Variants in CPA4 observed in about 807,000 individuals in gnomAD.
The protein encoded by CPA4 is carboxypeptidase A4, also known as carboxypeptidase A3.
CPA4 carries 49 observed loss-of-function variants against 54.7 expected under a neutral mutation model. The observed-to-expected ratio is 0.90, with a 90% CI of 0.71 to 1.14. The LOEUF is 1.14. Ranked by LOEUF, CPA4 falls within the 50% of genes most tolerant of loss-of-function variation. CPA4 has a pLI of 0.00. For synonymous variants in CPA4, 215 were observed against 206.8 expected (o/e 1.04, Z -0.34); for missense variants, 487 against 525.1 (o/e 0.93, Z 0.71).
At chr7:130,309,428 A>G (rs1423831774) in intron 8 of CPA4, among the ~76,000 whole-genome samples, 1 of 152,182 alleles carries the variant, frequency 6.6e-6, no homozygotes, top group Non-Finnish European at 1.5e-5. Flanking sequence ...TGTGCTGTGA[A>G]AATTCCACTC....
rs200222639 is a variant in CPA4 at position 130,311,023 on chromosome 7, G to A, written c.993+37G>A. 289 of 1,557,100 alleles carry A rather than the reference G, an allele frequency of 1.9e-4. 1 individual carries two copies. The African/African-American group carries it at 3.3e-3, about 18-fold the overall frequency. On this transcript the variant is annotated intron_variant, in intron 9 of 10. Transcript: ENST00000222482. ...CTGCCTCCCACCCAGCCTGGGGCCC[G>A]CCTGACCCTCCTGGCGCTGCTAAGG...
rs1262741447 is a variant in CPA4 at position 130,310,760 on chromosome 7, T to A, written c.794-27T>A. The A allele has an allele frequency of 1.2e-6, 2 of 1,603,060 alleles. No homozygotes were observed. Among genetic ancestry groups the A allele is most frequent in the Admixed American group, 1.7e-5 (1 of 60,008 alleles). ...TCTGTGTTCTTGGACTATGAGTTAA[T>A]GTTTGTTCTTGGGCTATCCCCAACA... On this transcript the variant is annotated intron_variant, in intron 8 of 10. Transcript: ENST00000222482. This position sits in a 1 kb window ranked among gnomAD's most constrained non-coding sequence, Gnocchi z 4.3.
intron 4 of CPA4, among the ~76,000 whole-genome samples, chr7:130,303,905 G>T (rs956601711): frequency 6.6e-6 from 1 of 151,926 alleles, no homozygotes; most frequent in East Asian, 1.9e-4. Context: ...GCCTCCCAAA[G>T]TGTTGGGATT....
intron 1 of CPA4, 41 bp from the exon 2 acceptor site, chr7:130,298,705 C>A: frequency 8.1e-7 from 1 of 1,240,670 alleles, no homozygotes; most frequent in Non-Finnish European, 1.2e-6. Flanking sequence ...GAAAGCTCAT[C>A]ATTATCTTTT....
chr7:130,297,457 A>G (rs1793668397), intron 1 of CPA4, among the ~76,000 whole-genome samples: 1 of 152,142 alleles, frequency 6.6e-6, no homozygotes, highest in Non-Finnish European at 1.5e-5. Flanking sequence ...GCTGACCTCC[A>G]GGACCCTTTG....
rs1794155072 is a variant in CPA4, at chr7:130,323,400, G to A, written c.*724G>A. Reference sequence around the variant, plus strand: ...ATGCCTGGCTAATTTTGTGTTTTTAGTAGAGACAGGGTTTCTCCATGTTGG... The same window carrying A: ...ATGCCTGGCTAATTTTGTGTTTTTAATAGAGACAGGGTTTCTCCATGTTGG... On this transcript the variant is annotated 3_prime_UTR_variant, in exon 11 of 11. Coordinates refer to ENST00000222482, the MANE Select transcript of CPA4 (RefSeq NM_016352.4). The A allele has an allele frequency of 6.6e-6, 1 of 152,152 alleles. No individual in the cohort carries two copies. The highest frequency in any genetic ancestry group is 1.5e-5 in the Non-Finnish European group (1 of 68,118). 9.4% of individuals were successfully genotyped at this position (152,152 alleles called of 1,614,324 possible).
intron 9 of CPA4, 84 bp from the exon 10 acceptor site, chr7:130,311,954 C>T: frequency 9.6e-7 from 1 of 1,038,032 alleles, no homozygotes; most frequent in Admixed American, 1.8e-5. Context: ...TGAGAATCTT[C>T]CAAACCATCC....
intron 10 of CPA4, 96 bp from the exon 11 acceptor site, chr7:130,322,393 C>T: frequency 1.0e-6 from 1 of 988,094 alleles, no homozygotes; most frequent in Non-Finnish European, 1.5e-6. Flanking sequence ...ACTCTGGATT[C>T]CTTAAGGAAC....
chr7:130,297,584 C>G (rs1015196181), intron 1 of CPA4, among the ~76,000 whole-genome samples: 6 of 152,140 alleles, frequency 3.9e-5, no homozygotes, highest in Non-Finnish European at 8.8e-5. Flanking sequence ...TGGCCTAGAC[C>G]CACTGGAGAG....
chr7:130,319,849 G>C (rs1276973236), intron 10 of CPA4, among the ~76,000 whole-genome samples: 1 of 152,196 alleles, frequency 6.6e-6, no homozygotes, highest in Non-Finnish European at 1.5e-5. Flanking sequence ...TATTTGATGA[G>C]ACCTCTAGGG....
chr7:130,293,425 CT>C, intron 1 of CPA4, 177 bp downstream of exon 1: 1 of 603,292 alleles, frequency 1.7e-6, no homozygotes, highest in Non-Finnish European at 3.0e-6. Flanking sequence ...CCCATTTCAT[CT>C]GTGAAATCAG....
At chr7:130,308,002 G>A (rs1017924212) in intron 7 of CPA4, 6 of 384,394 alleles carry the variant, frequency 1.6e-5, no homozygotes, top group South Asian at 9.8e-5. Context: ...GGCATATAGT[G>A]TCCATTTGCC....
chr7:130,317,190 T>C (rs1227866393), intron 10 of CPA4, among the ~76,000 whole-genome samples: 2 of 152,228 alleles, frequency 1.3e-5, no homozygotes, highest in African/African-American at 4.8e-5. Context: ...TGGCCTATTG[T>C]ACCTTTCGTA....
intron 5 of CPA4, 92 bp from the exon 6 acceptor site, chr7:130,305,724 T>A: frequency 1.1e-6 from 1 of 913,900 alleles, no homozygotes; most frequent in Non-Finnish European, 1.8e-6. Context: ...TTATCTTAAA[T>A]GAATTAAATG....
At chr7:130,306,002 C>G (rs562589354) in intron 6 of CPA4, 82 bp downstream of exon 6, 11 of 1,180,420 alleles carry the variant, frequency 9.3e-6, no homozygotes, top group Non-Finnish European at 1.4e-5. Context: ...GCCTGGGGCA[C>G]GAGGTGGGAG....
In CPA4 at chr7:130,322,537, A is replaced by G; in HGVS notation, c.1127A>G (p.Lys376Arg). Residue 376 changes from lysine to arginine, a missense_variant, in exon 11 of 11, where the codon AAA (lysine) becomes AGA (arginine). Transcript: ENST00000222482. ...SIDWAYDNGI[K>R]FAFTFELRDT... Reference sequence around the variant, plus strand: ...GACTGGGCATATGACAACGGCATCAAATTTGCATTCACATTTGAGTTGAGA... The same window carrying G: ...GACTGGGCATATGACAACGGCATCAGATTTGCATTCACATTTGAGTTGAGA... The G allele has an allele frequency of 6.2e-7, 1 of 1,614,100 alleles. No individual in the cohort carries two copies. The highest frequency in any genetic ancestry group is 8.5e-7 in the Non-Finnish European group (1 of 1,179,996).
intron 4 of CPA4, 21 bp downstream of exon 4, chr7:130,300,935 T>A: frequency 1.3e-6 from 2 of 1,523,044 alleles, no homozygotes; most frequent in Non-Finnish European, 1.8e-6. Flanking sequence ...CAGAGTGGGT[T>A]AAGATCAAGG....
intron 9 of CPA4, 22 bp from the exon 10 acceptor site, chr7:130,312,016 T>A: frequency 6.2e-7 from 1 of 1,603,032 alleles, no homozygotes; most frequent in Non-Finnish European, 8.5e-7. Context: ...TTTTTCTCAC[T>A]CCACGGATTC....
intron 10 of CPA4, among the ~76,000 whole-genome samples, chr7:130,312,842 GGA>G (rs1169433891): frequency 6.6e-6 from 1 of 152,136 alleles, no homozygotes; most frequent in Non-Finnish European, 1.5e-5. Flanking sequence ...TCTGTGTGAA[GGA>G]GAGTTTTATT....
Sources: allele counts gnomAD v4.1 joint callset (sites outside exome capture counted in the v4.1 genomes callset), GRCh38; gene constraint gnomAD v4.1.1; non-coding constraint Gnocchi (gnomAD v3.1); transcripts MANE v1.5; gene names NCBI Gene and HGNC (gene_info 2026-07-23, HGNC 2026-07-21).